The following ITPR1 variants were observed in gnomAD, a reference collection of about 807,000 sequenced individuals.
ITPR1 encodes inositol 1,4,5-trisphosphate receptor type 1.
In ITPR1, 96 loss-of-function variants were observed where a neutral mutation model predicts 318.4. That is an observed-to-expected ratio of 0.30 (90% CI 0.26 to 0.36). The LOEUF (loss-of-function observed/expected upper bound fraction) is 0.36. ITPR1 is among the 10% of genes least tolerant of loss of function. The pLI, the probability that ITPR1 is intolerant of heterozygous loss-of-function variation, is 1.00. For synonymous variants in ITPR1, 1,312 were observed against 1,289.9 expected (o/e 1.02, Z -0.37); for missense variants, 2,440 against 3,460.2 (o/e 0.71, Z 7.40).
At chr3:4,538,633 C>T (rs775868197) in intron 4 of ITPR1, among the ~76,000 whole-genome samples, 38 of 152,060 alleles carry the variant, frequency 2.5e-4, no homozygotes, top group Non-Finnish European at 4.3e-4. Flanking sequence ...ATAGCAAAGG[C>T]GTGGAATCAA....
chr3:4,527,580 G>A (rs1489073448), intron 4 of ITPR1, among the ~76,000 whole-genome samples: 1 of 152,198 alleles, frequency 6.6e-6, no homozygotes, highest in Non-Finnish European at 1.5e-5. Context: ...GGTCTGGCCT[G>A]GGGCAGTATA....
At chr3:4,549,837 A>T (rs890905958) in intron 4 of ITPR1, among the ~76,000 whole-genome samples, 2 of 152,134 alleles carry the variant, frequency 1.3e-5, no homozygotes, top group African/African-American at 2.4e-5. Context: ...CATGGAGGTG[A>T]TTCTGACTCA....
chr3:4,725,261 A>T (rs2042426321), intron 40 of ITPR1, among the ~76,000 whole-genome samples: 1 of 151,890 alleles, frequency 6.6e-6, no homozygotes, highest in African/African-American at 2.4e-5. Flanking sequence ...TTAAAGCATC[A>T]TTCCTCCTTG....
At chr3:4,696,453 T>C (rs990594973) in intron 33 of ITPR1, among the ~76,000 whole-genome samples, 2 of 152,232 alleles carry the variant, frequency 1.3e-5, no homozygotes, top group African/African-American at 2.4e-5. Flanking sequence ...CGTTCCTTTA[T>C]GTTGCTGAGT....
rs769491699 is a variant in ITPR1, at chr3:4,818,116, C to T, written c.7902C>T (p.Val2634=). 1.9e-6 allele frequency: 3 copies of T among 1,604,732 alleles called. No homozygotes were observed. The African/African-American group carries it at 4.0e-5, about 21-fold the overall frequency. ...LERDKFDNKT[V]TFEEHIKEEH... ...GAGACAAGTTTGACAACAAGACTGT[C>T]ACCTTTGAAGAGCACATCAAGGAAG... Residue 2634 remains valine (V), a synonymous_variant, in exon 60 of 62, where the codon GTC becomes GTT. Transcript: ENST00000649015.
chr3:4,608,835 C>G (rs2091879568), intron 4 of ITPR1, among the ~76,000 whole-genome samples: 1 of 151,260 alleles, frequency 6.6e-6, no homozygotes, highest in Non-Finnish European at 1.5e-5. Flanking sequence ...AACCTCATCT[C>G]TACTAAAGAT....
intron 40 of ITPR1, among the ~76,000 whole-genome samples, chr3:4,721,169 C>CGT (rs199553991): frequency 0.032 from 770 of 24,346 alleles, 15 homozygotes; most frequent in African/African-American, 0.12. Flanking sequence ...CGTGTGTGTG[C>CGT]GTGTATATAT....
intron 4 of ITPR1, among the ~76,000 whole-genome samples, chr3:4,581,961 A>T (rs11927634): frequency 1.1e-3 from 150 of 137,456 alleles, no homozygotes; most frequent in African/African-American, 3.9e-3. Context: ...TTTTTTTTTT[A>T]AAAAGGAAAA....
intron 44 of ITPR1, among the ~76,000 whole-genome samples, chr3:4,755,245 G>A (rs995474974): frequency 2.1e-5 from 3 of 145,708 alleles, no homozygotes; most frequent in Non-Finnish European, 4.5e-5. Context: ...AACTGTTAGC[G>A]TTCTGATCCA....
rs1410588603 is a variant in ITPR1, at chr3:4,829,961, T to G, written c.8029-6813T>G. ...TTTAAAACATGTATAACAGTTTTTTTTTTTTTTTTTTTTTTTTTGTGTGTG... is the reference window on the plus strand; with the variant it reads ...TTTAAAACATGTATAACAGTTTTTTGTTTTTTTTTTTTTTTTTTGTGTGTG... On this transcript the variant is annotated intron_variant, in intron 60 of 61. Coordinates refer to ENST00000649015, the MANE Select transcript of ITPR1 (RefSeq NM_001378452.1). Among the ~76,000 whole-genome samples the G allele has an allele frequency of 1.7e-4, 15 of 88,576 alleles. No individual in the cohort carries two copies. In the East Asian group the frequency reaches 3.0e-3, roughly 18 times the overall value. The allele number at this position is 88,576 out of a possible 152,430, so 58.1% of individuals were successfully genotyped here.
In ITPR1 at chr3:4,670,836, A is replaced by G. The variant is rs1196080706; in HGVS notation, c.2114A>G (p.Asn705Ser). 6 of 1,611,246 alleles carry G rather than the reference A, an allele frequency of 3.7e-6. No homozygotes were observed. The highest frequency in any genetic ancestry group is 5.1e-6 in the Non-Finnish European group (6 of 1,178,802). Residue 705 changes from asparagine to serine, a missense_variant, in exon 20 of 62, where the codon AAC becomes AGC. Physicochemically the swap from Asn to Ser is conservative, Grantham distance 46 (BLOSUM62 1). This residue lies in a region of ITPR1 where 478 missense variants were observed against 696.3 expected (regional missense o/e 0.69). Transcript: ENST00000649015. ...EEVWLFWRDS[N>S]KEIRSKSVRE... ...GTGTGGCTGTTTTGGAGGGACAGCAACAAAGAGATTCGCAGCAAGAGTGTG... is the reference window on the plus strand; with the variant it reads ...GTGTGGCTGTTTTGGAGGGACAGCAGCAAAGAGATTCGCAGCAAGAGTGTG...
intron 26 of ITPR1, among the ~76,000 whole-genome samples, chr3:4,681,624 A>AGTGTGTGTGTGTGT (rs10665371): frequency 1.2e-3 from 174 of 145,882 alleles, no homozygotes; most frequent in African/African-American, 3.6e-3. Flanking sequence ...AGAGAGAGAA[A>AGTGTGTGTGTGTGT]GTGTGTGTGT....
At chr3:4,613,317 A>G (rs117992472) in intron 4 of ITPR1, among the ~76,000 whole-genome samples, 3,341 of 152,284 alleles carry the variant, frequency 0.022, 115 homozygotes, top group South Asian at 0.15. Flanking sequence ...TCAGATATAC[A>G]TTTGTCTCAG....
chr3:4,794,906 T>G (rs2047799492), intron 52 of ITPR1, 159 bp from the exon 53 acceptor site: 9 of 737,612 alleles, frequency 1.2e-5, no homozygotes, highest in Non-Finnish European at 1.9e-5. Context: ...GATGTCATTA[T>G]GTACCAAGTT....
chr3:4,529,168 ATACCTGAGTCAC>A (rs2083216500), intron 4 of ITPR1, among the ~76,000 whole-genome samples: 2 of 152,196 alleles, frequency 1.3e-5, no homozygotes, highest in South Asian at 4.1e-4. Context: ...TCTTTTTTGC[ATACCTGAGTCAC>A]CCTGGAAAGT....
chr3:4,606,290 G>A (rs937175107), intron 4 of ITPR1, among the ~76,000 whole-genome samples: 2 of 152,106 alleles, frequency 1.3e-5, no homozygotes, highest in African/African-American at 4.8e-5. Context: ...GTCTTCCTTT[G>A]GCAGTGGAAC....
intron 44 of ITPR1, chr3:4,749,949 C>T (rs2044379090): frequency 6.5e-6 from 1 of 152,772 alleles, no homozygotes; most frequent in African/African-American, 2.4e-5. Context: ...GTGCAGTGCT[C>T]GTTTCCATCA....
chr3:4,787,251 A>G (rs1015455966), intron 51 of ITPR1, among the ~76,000 whole-genome samples: 1 of 145,736 alleles, frequency 6.9e-6, no homozygotes, highest in Admixed American at 7.1e-5. Context: ...CTTAGAAATT[A>G]ATGGGTTCAC....
At chr3:4,576,494 A>T (rs2088677262) in intron 4 of ITPR1, among the ~76,000 whole-genome samples, 1 of 152,174 alleles carries the variant, frequency 6.6e-6, no homozygotes, top group Non-Finnish European at 1.5e-5. Context: ...AGAGGGCAGG[A>T]TTGGTGGAAG....
Sources: gnomAD v4.1 joint callset for allele counts (sites outside exome capture counted in the v4.1 genomes callset) on GRCh38, gnomAD v4.1.1 for gene constraint, gnomAD v4.1.1 regional missense constraint, MANE v1.5 for transcripts, NCBI Gene and HGNC (gene_info 2026-07-23, HGNC 2026-07-21) for gene names.